Variants in NANS observed in about 807,000 individuals in gnomAD.
NANS encodes the protein N-acetylneuraminate-9-phosphate synthase.
Under a neutral mutation model 33.3 loss-of-function variants are expected in NANS, and 29 were observed. The observed-to-expected ratio is 0.87, with a 90% CI of 0.65 to 1.19. NANS has a LOEUF of 1.19. Ranked by LOEUF, NANS falls within the 50% of genes most tolerant of loss-of-function variation. NANS has a pLI of 0.00. For missense variants in NANS, 394 were observed against 461.1 expected (o/e 0.85, Z 1.33); for synonymous variants, 163 against 177.2 (o/e 0.92, Z 0.64).
chr9:98,062,866 A>T (rs1306981852), intron 2 of NANS, among the ~76,000 whole-genome samples: 1 of 148,606 alleles, frequency 6.7e-6, no homozygotes, highest in Admixed American at 6.9e-5. Context: ...TTACAGCTGC[A>T]TGTGAATCTA....
At chr9:98,061,481 T>TAA (rs1284256979) in intron 2 of NANS, among the ~76,000 whole-genome samples, 3 of 74,674 alleles carry the variant, frequency 4.0e-5, no homozygotes, top group South Asian at 4.1e-4. Context: ...CATCTCAAAT[T>TAA]AAAAAAAAAA....
rs1457433380 is a variant in NANS, at chr9:98,060,982, C to T, written c.333C>T (p.Ala111=). ...AGGAGGTTGGGATCTTCTTCACTGC[C>T]TCTGGCATGGATGAGGTGAGTCCTC... is the stretch of plus-strand genomic sequence containing the variant. ...YAEEVGIFFT[A]SGMDEMAVEF... The change falls in exon 2 of 6, where the codon GCC becomes GCT. Residue 111 remains alanine (A), a synonymous_variant. Transcript: ENST00000210444. 2 of 1,613,660 alleles carry T rather than the reference C, an allele frequency of 1.2e-6. No individual in the cohort carries two copies. The highest frequency in any genetic ancestry group is 1.7e-5 in the Admixed American group (1 of 59,998).
chr9:98,081,891 C>A (rs983786979), intron 5 of NANS: 2 of 152,138 alleles, frequency 1.3e-5, no homozygotes, highest in African/African-American at 2.4e-5. Context: ...GAAATAGTTT[C>A]TTTATAGAGG....
chr9:98,082,413 T>C (rs1829912079), intron 5 of NANS, among the ~76,000 whole-genome samples: 1 of 152,104 alleles, frequency 6.6e-6, no homozygotes, highest in Admixed American at 6.5e-5. Context: ...ATGTTTACAA[T>C]GAGATACTGA....
chr9:98,079,238 C>T (rs1829736975), intron 4 of NANS, among the ~76,000 whole-genome samples: 1 of 152,192 alleles, frequency 6.6e-6, no homozygotes, highest in African/African-American at 2.4e-5. Flanking sequence ...CTGTCTCACG[C>T]CATCTCTCTC....
rs1364490504 is a variant in NANS at position 98,082,987 on chromosome 9, A to G, written c.1012A>G (p.Thr338Ala). 2 of 1,614,224 alleles carry G rather than the reference A, an allele frequency of 1.2e-6. No individual in the cohort carries two copies. The highest frequency in any genetic ancestry group is 1.7e-5 in the Admixed American group (1 of 60,028). Residue 338 changes from threonine (T) to alanine (A), a missense_variant, in exon 6 of 6, where the codon ACT (threonine) becomes GCT (alanine). Transcript: ENST00000210444. ...FNLVGKKVLV[T>A]VEEDDTIMEE... The stretch of plus-strand genomic sequence containing the variant: ...TCTAGTGGGCAAGAAGGTCCTGGTC[A>G]CTGTTGAAGAGGATGACACCATCAT...
rs780268306 is a variant in NANS at position 98,078,282 on chromosome 9, T to G, written c.538T>G (p.Cys180Gly). Residue 180 changes from cysteine (C) to glycine (G), a missense_variant, in exon 4 of 6, where the codon TGC becomes GGC. Coordinates refer to ENST00000210444, the MANE Select transcript of NANS (RefSeq NM_018946.4). ...QIVKPLNPNF[C>G]FLQCTSAYPL... ...CGTGAAGCCCCTCAACCCCAACTTC[T>G]GCTTCTTGCAGTGTACCAGCGCATA... The G allele has an allele frequency of 6.2e-7, 1 of 1,614,106 alleles. No individual in the cohort carries two copies. Among genetic ancestry groups the G allele is most frequent in the South Asian group, 1.1e-5 (1 of 91,070 alleles).
At chr9:98,067,817 G>A (rs916641344) in intron 2 of NANS, among the ~76,000 whole-genome samples, 3 of 138,302 alleles carry the variant, frequency 2.2e-5, no homozygotes, top group Non-Finnish European at 4.5e-5. Flanking sequence ...GGCCTCCTGA[G>A]CTCAAGCAAT....
intron 1 of NANS, among the ~76,000 whole-genome samples, chr9:98,059,372 C>T (rs539983784): frequency 3.0e-3 from 452 of 152,134 alleles, no homozygotes; most frequent in Non-Finnish European, 5.1e-3. Context: ...CAGAAATGGC[C>T]GTGAGATGGG....
chr9:98,064,244 A>T (rs908883207), intron 2 of NANS, among the ~76,000 whole-genome samples: 4 of 151,980 alleles, frequency 2.6e-5, no homozygotes, highest in African/African-American at 7.2e-5. Flanking sequence ...TGTACTTAAC[A>T]ATCCTAATTC....
chr9:98,078,122 T>C, intron 3 of NANS, 71 bp from the exon 4 acceptor site: 1 of 1,594,526 alleles, frequency 6.3e-7, no homozygotes, highest in Non-Finnish European at 8.6e-7. Context: ...AGACCAGCAG[T>C]TGGGATGTGT....
chr9:98,059,144 C>T (rs770697659), intron 1 of NANS, among the ~76,000 whole-genome samples: 22 of 152,060 alleles, frequency 1.4e-4, no homozygotes, highest in Non-Finnish European at 2.9e-4. Flanking sequence ...CTGTCTCAGC[C>T]TCCCGAGTAG....
At chr9:98,081,804 C>T (rs1039448555) in intron 5 of NANS, 7 of 152,186 alleles carry the variant, frequency 4.6e-5, no homozygotes, top group East Asian at 1.9e-4. Context: ...CTGTTGTCAC[C>T]TTTTATTCTA....
rs1388844862 is a variant in NANS, at chr9:98,077,435, C to A, written c.448+418C>A. On this transcript the variant is annotated intron_variant, in intron 3 of 5. Coordinates refer to ENST00000210444, the MANE Select transcript of NANS (RefSeq NM_018946.4). ...ATGTTGCCCAGGTTGGTCTTGAACT[C>A]CTGGATTCAAGTGATCCTCCTACTT... Among the ~76,000 whole-genome samples the A allele has an allele frequency of 5.9e-5, 9 of 151,348 alleles. No homozygotes were observed. In the East Asian group the frequency reaches 1.4e-3, roughly 23 times the overall value.
At chr9:98,079,981 A>C (rs932902963) in intron 4 of NANS, among the ~76,000 whole-genome samples, 4 of 152,250 alleles carry the variant, frequency 2.6e-5, no homozygotes, top group African/African-American at 9.6e-5. Flanking sequence ...TGGGAGGCTG[A>C]GGCAGGTGGA....
chr9:98,060,603 T>C (rs1371513834), intron 1 of NANS, among the ~76,000 whole-genome samples, 179 bp from the exon 2 acceptor site: 2 of 151,090 alleles, frequency 1.3e-5, no homozygotes. Flanking sequence ...CCGGGAGGCA[T>C]TGGTTGTAGT....
Position 98,082,906 on chromosome 9 carries a change from A to T in NANS, c.931A>T (p.Met311Leu). ...GGAAGGCACCATTCTAACAATGGAC[A>T]TGCTCACCGTGAAGGTGGGTGAGCC... ...IPEGTILTMD[M>L]LTVKVGEPKG... The change falls in exon 6 of 6, where the codon ATG (methionine) becomes TTG (leucine). Residue 311 changes from methionine (M) to leucine (L), a missense_variant. Transcript: ENST00000210444. 6.2e-7 allele frequency: 1 copy of T among 1,614,216 alleles called. No homozygotes were observed. Among genetic ancestry groups the T allele is most frequent in the Non-Finnish European group, 8.5e-7 (1 of 1,180,048 alleles).
chr9:98,062,901 A>C (rs2131622796), intron 2 of NANS, among the ~76,000 whole-genome samples: 1 of 149,392 alleles, frequency 6.7e-6, no homozygotes, highest in Middle Eastern at 3.6e-3. Context: ...TTCAAAGTTT[A>C]AAATTAAAAA....
At chr9:98,080,783 A>G (rs1211084849) in intron 4 of NANS, 33 bp from the exon 5 acceptor site, 2 of 1,544,364 alleles carry the variant, frequency 1.3e-6, no homozygotes, top group East Asian at 2.3e-5. Flanking sequence ...GCAGCATGAT[A>G]TTTAATGTTA....
Sources: allele counts gnomAD v4.1 joint callset (sites outside exome capture counted in the v4.1 genomes callset), GRCh38; gene constraint gnomAD v4.1.1; transcripts MANE v1.5; gene names NCBI Gene and HGNC (gene_info 2026-07-23, HGNC 2026-07-21).